SACM1L: variants seen among roughly 807,000 people sequenced by gnomAD.
SACM1L encodes phosphatidylinositol-3-phosphatase SAC1.
Under a neutral mutation model 89.5 loss-of-function variants are expected in SACM1L, and 32 were observed. The ratio of observed to expected loss-of-function variants is 0.36; its 90% CI spans 0.27 to 0.48. SACM1L has a LOEUF of 0.48. Ranked by LOEUF, SACM1L falls within the 20% of genes least tolerant of loss-of-function variation. The pLI, the probability that SACM1L is intolerant of heterozygous loss-of-function variation, is 0.99. For missense variants in SACM1L, 543 were observed against 708.5 expected (o/e 0.77, Z 2.65); for synonymous variants, 213 against 232.8 (o/e 0.92, Z 0.77).
intron 11 of SACM1L, among the ~76,000 whole-genome samples, chr3:45,730,053 C>T (rs1202862518): frequency 6.6e-6 from 1 of 151,676 alleles, no homozygotes; most frequent in Non-Finnish European, 1.5e-5. Context: ...CTGTGTTTCC[C>T]CTTAGCTCTT....
chr3:45,722,095 T>TA lies in SACM1L; in HGVS notation c.765+11dup. 1.3e-6 allele frequency: 2 copies of TA among 1,570,694 alleles called. No individual in the cohort carries two copies. The highest frequency in any genetic ancestry group is 1.7e-6 in the Non-Finnish European group (2 of 1,144,496). ...AGCTTCGTTTGTACAGGCAAGTTGTTATGTCTGTTAGGCAGTCAGCGAGTT... is the reference window on the plus strand; with the variant it reads ...AGCTTCGTTTGTACAGGCAAGTTGTTAATGTCTGTTAGGCAGTCAGCGAGTT... On this transcript the variant is annotated intron_variant, in intron 9 of 19. Transcript: ENST00000389061.
Position 45,738,855 on chromosome 3 carries a change from G to A in SACM1L, c.1551G>A (p.Arg517=). 1.2e-6 allele frequency: 2 copies of A among 1,605,684 alleles called. No homozygotes were observed. The highest frequency in any genetic ancestry group is 1.7e-6 in the Non-Finnish European group (2 of 1,174,482). Residue 517 remains arginine, a synonymous_variant, in exon 18 of 20, where the codon AGG becomes AGA. Transcript: ENST00000389061. Reference sequence around the variant, plus strand: ...CTCATAGTCCTTTAAGTGTTCCAAGGGACTGGAAATTCCTGGCTGTAAGAA... The same window carrying A: ...CTCATAGTCCTTTAAGTGTTCCAAGAGACTGGAAATTCCTGGCTGTAAGAA... ...LESHSPLSVP[R]DWKFLALPII...
intron 1 of SACM1L, among the ~76,000 whole-genome samples, chr3:45,692,026 C>T (rs13092055): frequency 0.026 from 4,029 of 152,284 alleles, 73 homozygotes; most frequent in Non-Finnish European, 0.044. Context: ...GCCTTTTCCC[C>T]ACTTCTGCAA....
intron 17 of SACM1L, 24 bp downstream of exon 17, chr3:45,738,695 C>T (rs375046384): frequency 6.4e-7 from 1 of 1,554,240 alleles, no homozygotes; most frequent in African/African-American, 1.4e-5. Flanking sequence ...TGATGCTTTC[C>T]TGGCATTACG....
intron 19 of SACM1L, chr3:45,739,851 G>T: frequency 3.3e-6 from 2 of 599,688 alleles, no homozygotes; most frequent in South Asian, 2.1e-5. Flanking sequence ...TTTAACCTCA[G>T]ATTTTAAAAA....
chr3:45,730,160 T>G (rs535943915), intron 11 of SACM1L, among the ~76,000 whole-genome samples: 224 of 152,242 alleles, frequency 1.5e-3, no homozygotes, highest in African/African-American at 5.0e-3. Context: ...CAGGAACAGT[T>G]TCTGTCAATT....
intron 4 of SACM1L, chr3:45,707,269 A>G (rs868116999): frequency 1.7e-5 from 3 of 172,016 alleles, no homozygotes; most frequent in South Asian, 1.3e-4. Flanking sequence ...CTTCTTTCCC[A>G]GAGAGGTTTT....
At chr3:45,696,032 CTG>C (rs1698116926) in intron 1 of SACM1L, among the ~76,000 whole-genome samples, 1 of 143,978 alleles carries the variant, frequency 6.9e-6, no homozygotes, top group Admixed American at 7.2e-5. Flanking sequence ...GAGTCTCGCT[CTG>C]TTGCCTATGC....
intron 11 of SACM1L, among the ~76,000 whole-genome samples, chr3:45,724,402 GTGATTT>G (rs369860384): frequency 6.6e-6 from 1 of 151,892 alleles, no homozygotes; most frequent in African/African-American, 2.4e-5. Flanking sequence ...AATGATTTGT[GTGATTT>G]TGAGCATCTT....
At chr3:45,718,722 C>T (rs1009128150) in intron 7 of SACM1L, among the ~76,000 whole-genome samples, 1 of 152,038 alleles carries the variant, frequency 6.6e-6, no homozygotes, top group African/African-American at 2.4e-5. Context: ...ATAATAAAAA[C>T]ATTTAATGTA....
chr3:45,743,235 G>T (rs1699354624), intron 19 of SACM1L, among the ~76,000 whole-genome samples: 1 of 152,106 alleles, frequency 6.6e-6, no homozygotes, highest in Admixed American at 6.5e-5. Context: ...ATTTAGTCCA[G>T]TGGTTCTCAA....
At chr3:45,731,491 A>G (rs908821056) in intron 12 of SACM1L, 111 bp downstream of exon 12, 16 of 562,854 alleles carry the variant, frequency 2.8e-5, no homozygotes, top group African/African-American at 3.9e-5. Flanking sequence ...ATTTTTTTCA[A>G]TAGTAGATCA....
Position 45,738,852 on chromosome 3 carries a change from A to G in SACM1L, c.1548A>G (p.Pro516=). The part of the protein sequence containing the change: ...ELESHSPLSV[P]RDWKFLALPI... ...AATCTCATAGTCCTTTAAGTGTTCC[A>G]AGGGACTGGAAATTCCTGGCTGTAA... is the stretch of plus-strand genomic sequence containing the variant. Residue 516 remains proline (P), a synonymous_variant, in exon 18 of 20, where the codon CCA becomes CCG. Transcript: ENST00000389061. 1 of 1,606,038 alleles carries G rather than the reference A, an allele frequency of 6.2e-7. No individual in the cohort carries two copies. The highest frequency in any genetic ancestry group is 8.5e-7 in the Non-Finnish European group (1 of 1,174,780).
Position 45,743,525 on chromosome 3 carries a change from A to G in SACM1L, c.1628-8A>G. 6.3e-7 allele frequency: 1 copy of G among 1,599,058 alleles called. No homozygotes were observed. The highest frequency in any genetic ancestry group is 1.4e-5 in the African/African-American group (1 of 74,068). ...CTTATTTAGCTTTTTGTTTCTTAAT[A>G]TCAACAGGTGACACTTGGACAGAAA... On this transcript the variant is annotated splice_polypyrimidine_tract_variant and splice_region_variant and intron_variant, in intron 19 of 19. Transcript: ENST00000389061.
Position 45,743,882 on chromosome 3 carries a change from A to G in SACM1L, c.*213A>G. 1 of 411,040 alleles carries G rather than the reference A, an allele frequency of 2.4e-6. No homozygotes were observed. Among genetic ancestry groups the G allele is most frequent in the African/African-American group, 2.0e-5 (1 of 49,194 alleles). The allele number at this position is 411,040 out of a possible 1,614,324, so 25.5% of individuals were successfully genotyped here. ...TGGGACAGTTAGATTTATAATTTGA[A>G]GCTATTCTGTAATTAAAATATAACC... On this transcript the variant is annotated 3_prime_UTR_variant, in exon 20 of 20. Coordinates refer to ENST00000389061, the MANE Select transcript of SACM1L (RefSeq NM_014016.5).
intron 9 of SACM1L, 38 bp downstream of exon 9, chr3:45,722,123 C>A: frequency 1.6e-6 from 2 of 1,220,286 alleles, no homozygotes; most frequent in Non-Finnish European, 1.2e-6. Flanking sequence ...AGCGAGTTGG[C>A]CTTTTCTGCT....
chr3:45,741,834 C>A (rs1699323235), intron 19 of SACM1L, among the ~76,000 whole-genome samples: 1 of 152,150 alleles, frequency 6.6e-6, no homozygotes, highest in Non-Finnish European at 1.5e-5. Flanking sequence ...AAAAAGCATT[C>A]TTACCTTACA....
intron 5 of SACM1L, among the ~76,000 whole-genome samples, chr3:45,712,719 G>T (rs1344830660): frequency 6.6e-6 from 1 of 152,178 alleles, no homozygotes; most frequent in African/African-American, 2.4e-5. Flanking sequence ...GCAGATAGGA[G>T]ACAGGACATG....
chr3:45,699,139 C>T (rs1698200369), intron 1 of SACM1L, among the ~76,000 whole-genome samples: 1 of 152,022 alleles, frequency 6.6e-6, no homozygotes, highest in African/African-American at 2.4e-5. Context: ...AAGTAGTATA[C>T]AAAGCTTATA....
Sources: allele counts gnomAD v4.1 joint callset (sites outside exome capture counted in the v4.1 genomes callset), GRCh38; gene constraint gnomAD v4.1.1; transcripts MANE v1.5; gene names NCBI Gene and HGNC (gene_info 2026-07-23, HGNC 2026-07-21).